SPEN: variants seen among roughly 807,000 people sequenced by gnomAD.
SPEN encodes the protein spen family transcriptional repressor.
A neutral mutation model predicts 269.9 loss-of-function variants in SPEN; 18 were observed. That is an observed-to-expected ratio of 0.07 (90% CI 0.05 to 0.10). The LOEUF (loss-of-function observed/expected upper bound fraction) is 0.10, where lower values mean the gene tolerates loss of function less well. Ranked by LOEUF, SPEN falls within the 10% of genes least tolerant of loss-of-function variation. The probability of loss-of-function intolerance (pLI) is 1.00; values close to 1 mark genes in which losing one functional copy is unlikely to be tolerated. For missense variants in SPEN, 3,822 were observed against 4,631.2 expected (o/e 0.83, Z 5.07); for synonymous variants, 1,726 against 1,765.7 (o/e 0.98, Z 0.56).
intron 3 of SPEN, among the ~76,000 whole-genome samples, chr1:15,879,035 G>GA (rs1276322892): frequency 1.4e-4 from 20 of 143,304 alleles, no homozygotes; most frequent in Non-Finnish European, 2.4e-4. Context: ...GAAAAGAAAA[G>GA]AAAAAAAAGA....
chr1:15,929,733 C>A lies in SPEN; in HGVS notation c.3493C>A (p.His1165Asn). ...AGAAAAAATTGGCATTGACATCGAT[C>A]ACACGCAGAGTTACCGAAAACAAAT... is the stretch of plus-strand genomic sequence containing the variant. ...TEEKIGIDID[H>N]TQSYRKQMEQ... is the part of the protein sequence containing the mutation. The change falls in exon 11 of 15, where the codon CAC becomes AAC. Residue 1165 changes from histidine (H) to asparagine (N), a missense_variant. By Grantham distance (68) the His-to-Asn change is moderately conservative. Around this residue, in one of 16 missense-constraint regions of SPEN, gnomAD observed 46 missense variants for 94.0 expected, o/e 0.49. Coordinates refer to ENST00000375759, the MANE Select transcript of SPEN (RefSeq NM_015001.3). The surrounding 1 kb of genome is among the most constrained non-coding windows in gnomAD (Gnocchi z 5.8). The A allele has an allele frequency of 1.2e-6, 2 of 1,614,088 alleles. No individual in the cohort carries two copies. The highest frequency in any genetic ancestry group is 2.2e-5 in the South Asian group (2 of 91,048).
chr1:15,924,654 T>A (rs1179524603), intron 10 of SPEN, among the ~76,000 whole-genome samples: 1 of 152,098 alleles, frequency 6.6e-6, no homozygotes, highest in Non-Finnish European at 1.5e-5. Flanking sequence ...GAGACAGGGT[T>A]TCTCCATGTT....
intron 3 of SPEN, among the ~76,000 whole-genome samples, chr1:15,889,034 C>CAG (rs925478901): frequency 1.3e-4 from 20 of 152,230 alleles, no homozygotes; most frequent in African/African-American, 4.6e-4. Flanking sequence ...TCTCTATGGT[C>CAG]ATTCTTAGAA....
At chr1:15,884,295 T>G (rs1336093958) in intron 3 of SPEN, among the ~76,000 whole-genome samples, 1 of 152,258 alleles carries the variant, frequency 6.6e-6, no homozygotes, top group Non-Finnish European at 1.5e-5. Context: ...GATATTATAG[T>G]TTCTTTCCTA....
At chr1:15,885,817 TC>T (rs1311834688) in intron 3 of SPEN, among the ~76,000 whole-genome samples, 1 of 152,190 alleles carries the variant, frequency 6.6e-6, no homozygotes, top group Non-Finnish European at 1.5e-5. Flanking sequence ...ACCCTTTTTT[TC>T]CCATCAGTGG....
chr1:15,849,402 A>G (rs1050319545), intron 1 of SPEN, among the ~76,000 whole-genome samples: 1 of 152,250 alleles, frequency 6.6e-6, no homozygotes, highest in South Asian at 2.1e-4. Flanking sequence ...TGTCTTTTAA[A>G]TGGAGGATCA....
chr1:15,899,959 C>T (rs2148723483), intron 3 of SPEN, among the ~76,000 whole-genome samples: 1 of 152,156 alleles, frequency 6.6e-6, no homozygotes, highest in East Asian at 1.9e-4. Context: ...AGTTCTCCTG[C>T]CTCAGCCTCC....
At chr1:15,864,939 C>T (rs1373747444) in intron 1 of SPEN, among the ~76,000 whole-genome samples, 1 of 151,576 alleles carries the variant, frequency 6.6e-6, no homozygotes, top group Non-Finnish European at 1.5e-5. Context: ...GACCTCAAAT[C>T]GTCCTCGCGC....
chr1:15,929,422 C>G lies in SPEN; in HGVS notation c.3182C>G (p.Ala1061Gly). 1 of 1,613,776 alleles carries G rather than the reference C, an allele frequency of 6.2e-7. No homozygotes were observed. The highest frequency in any genetic ancestry group is 8.5e-7 in the Non-Finnish European group (1 of 1,179,912). ...AAACTGGACAGACTTAATACTGTTG[C>G]CAGCCCCAAAGACTGTCAGGAGCTT... Reference protein sequence around the residue: ...KIKLDRLNTVASPKDCQELAS... With the variant: ...KIKLDRLNTVGSPKDCQELAS... Residue 1061 changes from alanine (A) to glycine (G), a missense_variant, in exon 11 of 15, where the codon GCC becomes GGC. Ala to Gly is a moderately conservative substitution (Grantham distance 60). This residue lies in a region of SPEN where 572 missense variants were observed against 582.6 expected (regional missense o/e 0.98). Coordinates refer to ENST00000375759, the MANE Select transcript of SPEN (RefSeq NM_015001.3). The surrounding 1 kb of genome is among the most constrained non-coding windows in gnomAD (Gnocchi z 5.8).
intron 1 of SPEN, among the ~76,000 whole-genome samples, chr1:15,860,451 G>A (rs1456018810): frequency 6.8e-6 from 1 of 147,262 alleles, no homozygotes; most frequent in African/African-American, 2.6e-5. Context: ...TAGTGTGTGT[G>A]TGTGTGTGTG....
Position 15,939,339 on chromosome 1 carries a change from A to C in SPEN, c.10907A>C (p.Glu3636Ala), listed in dbSNP as rs2071312684. The change falls in exon 15 of 15, where the codon GAG (glutamate) becomes GCG (alanine). Residue 3636 changes from glutamate (E) to alanine (A), a missense_variant. Coordinates refer to ENST00000375759, the MANE Select transcript of SPEN (RefSeq NM_015001.3). This position sits in a 1 kb window ranked among gnomAD's most constrained non-coding sequence, Gnocchi z 4.1. The stretch of plus-strand genomic sequence containing the variant: ...ATCTTCCCGCCCTGTGAGTTCTCTG[A>C]GAGTCACCTGTCCCGCCTGGCCCCT... ...LQIFPPCEFSESHLSRLAPDL... is the reference protein window; with the variant it reads ...LQIFPPCEFSASHLSRLAPDL... The C allele has an allele frequency of 1.2e-6, 2 of 1,605,926 alleles. No homozygotes were observed. Among genetic ancestry groups the C allele is most frequent in the South Asian group, 2.2e-5 (2 of 89,598 alleles).
rs778981279 is a variant in SPEN at position 15,939,666 on chromosome 1, C to T, written c.*239C>T. 1.4e-4 allele frequency: 52 copies of T among 380,546 alleles called. No individual in the cohort carries two copies. Among genetic ancestry groups the T allele is most frequent in the African/African-American group, 2.1e-4 (10 of 48,178 alleles). The allele number at this position is 380,546 out of a possible 1,614,324, so 23.6% of individuals were successfully genotyped here. A position where few individuals can be genotyped will look rare whatever the true frequency, so the allele number is the denominator to read the frequency against. ...AGGACACATCACCAACCCATGGACTCGCAGACACCGGGGCTGGGTTTCTCT... is the reference window on the plus strand; with the variant it reads ...AGGACACATCACCAACCCATGGACTTGCAGACACCGGGGCTGGGTTTCTCT... On this transcript the variant is annotated 3_prime_UTR_variant, in exon 15 of 15. Coordinates refer to ENST00000375759, the MANE Select transcript of SPEN (RefSeq NM_015001.3). This position sits in a 1 kb window ranked among gnomAD's most constrained non-coding sequence, Gnocchi z 4.1.
chr1:15,868,118 C>A (rs1294150536), intron 1 of SPEN, among the ~76,000 whole-genome samples: 2 of 151,708 alleles, frequency 1.3e-5, no homozygotes, highest in East Asian at 3.9e-4. Flanking sequence ...CAGGAGTGAG[C>A]CACTGCATCC....
At chr1:15,883,657 A>G (rs917742035) in intron 3 of SPEN, among the ~76,000 whole-genome samples, 4 of 152,094 alleles carry the variant, frequency 2.6e-5, no homozygotes, top group Non-Finnish European at 4.4e-5. Flanking sequence ...TTTTAATTGA[A>G]AGGGAAATGA....
At chr1:15,908,568 G>A (rs760091977) in intron 3 of SPEN, among the ~76,000 whole-genome samples, 21 of 151,976 alleles carry the variant, frequency 1.4e-4, no homozygotes, top group Non-Finnish European at 2.6e-4. Context: ...GACTGCAGGC[G>A]CACGCCACCA....
intron 3 of SPEN, among the ~76,000 whole-genome samples, chr1:15,890,706 C>A (rs1266870471): frequency 6.6e-6 from 1 of 151,968 alleles, no homozygotes; most frequent in Non-Finnish European, 1.5e-5. Context: ...CATTTTGCAA[C>A]CATCACCATA....
chr1:15,890,558 GTTTTTTTTTT>G (rs1174783667), intron 3 of SPEN, among the ~76,000 whole-genome samples: 1 of 129,750 alleles, frequency 7.7e-6, no homozygotes, highest in Non-Finnish European at 1.6e-5. Flanking sequence ...TTTGACTCAG[GTTTTTTTTTT>G]TTTTTTTTTT....
At chr1:15,925,031 T>A (rs1243743487) in intron 10 of SPEN, among the ~76,000 whole-genome samples, 1 of 152,172 alleles carries the variant, frequency 6.6e-6, no homozygotes, top group Non-Finnish European at 1.5e-5. Flanking sequence ...TGAAAAAAAA[T>A]GCTTTAATGC....
At chr1:15,902,069 C>G (rs892435842) in intron 3 of SPEN, among the ~76,000 whole-genome samples, 2 of 151,660 alleles carry the variant, frequency 1.3e-5, no homozygotes, top group African/African-American at 4.8e-5. Flanking sequence ...GCTGGGACTA[C>G]AGGCATGTGC....
Sources: allele counts gnomAD v4.1 joint callset (sites outside exome capture counted in the v4.1 genomes callset), GRCh38; gene constraint gnomAD v4.1.1; regional missense constraint gnomAD v4.1.1; non-coding constraint Gnocchi (gnomAD v3.1); transcripts MANE v1.5; gene names NCBI Gene and HGNC (gene_info 2026-07-23, HGNC 2026-07-21).